Variants in NRG1 observed in about 807,000 individuals in gnomAD.
NRG1 encodes the protein pro-neuregulin-1, membrane-bound isoform.
In NRG1, 18 loss-of-function variants were observed where a neutral mutation model predicts 63.8. That is an observed-to-expected ratio of 0.28 (90% CI 0.19 to 0.42). NRG1 has a LOEUF of 0.42. NRG1 is among the 10% of genes least tolerant of loss of function. The probability of loss-of-function intolerance (pLI) is 1.00; values close to 1 mark genes in which losing one functional copy is unlikely to be tolerated. For synonymous variants in NRG1, 302 were observed against 301.3 expected (o/e 1.00, Z -0.02); for missense variants, 762 against 814.7 (o/e 0.94, Z 0.79).
At chr8:32,627,137 A>G (rs1281776775) in intron 5 of NRG1, among the ~76,000 whole-genome samples, 1 of 152,030 alleles carries the variant, frequency 6.6e-6, no homozygotes, top group Non-Finnish European at 1.5e-5. Flanking sequence ...CTTCATATTT[A>G]TAGGTCATTT....
intron 1 of NRG1, among the ~76,000 whole-genome samples, chr8:32,266,530 G>A (rs1334101095): frequency 6.6e-6 from 1 of 152,108 alleles, no homozygotes; most frequent in East Asian, 1.9e-4. Flanking sequence ...ATTGAGGAAG[G>A]ATGCTTCAGA....
chr8:31,844,789 A>ATT (rs34857073), intron 1 of NRG1, among the ~76,000 whole-genome samples: 3 of 149,452 alleles, frequency 2.0e-5, no homozygotes, highest in Admixed American at 6.7e-5. Context: ...GGCTTGGTGA[A>ATT]TTTTTTTTTT....
At chr8:31,702,415 A>G (rs1380396947) in intron 1 of NRG1, among the ~76,000 whole-genome samples, 1 of 151,870 alleles carries the variant, frequency 6.6e-6, no homozygotes, top group Non-Finnish European at 1.5e-5. Flanking sequence ...TTTAAAAGAT[A>G]GAATAAAGGA....
At chr8:31,837,754 T>G (rs1047401426) in intron 1 of NRG1, among the ~76,000 whole-genome samples, 1 of 152,100 alleles carries the variant, frequency 6.6e-6, no homozygotes, top group Non-Finnish European at 1.5e-5. Context: ...CATGACTGGT[T>G]TATTTCATTT....
At chr8:32,011,342 G>T (rs185703697) in intron 1 of NRG1, among the ~76,000 whole-genome samples, 159 of 152,162 alleles carry the variant, frequency 1.0e-3, no homozygotes, top group Admixed American at 4.9e-3. Context: ...CAAGAGGCTG[G>T]TTCCATTTGC....
At chr8:31,733,148 G>T (rs1392210621) in intron 1 of NRG1, among the ~76,000 whole-genome samples, 6 of 144,058 alleles carry the variant, frequency 4.2e-5, no homozygotes, top group Admixed American at 1.4e-4. Flanking sequence ...ACTTTATTCT[G>T]TTTTTTTTTT....
intron 1 of NRG1, among the ~76,000 whole-genome samples, chr8:32,248,141 A>G (rs1848766831): frequency 6.6e-6 from 1 of 152,100 alleles, no homozygotes; most frequent in Non-Finnish European, 1.5e-5. Context: ...TAACAAAAAC[A>G]TGTTCTGCAA....
chr8:31,733,376 T>C (rs1189440760), intron 1 of NRG1, among the ~76,000 whole-genome samples: 1 of 152,186 alleles, frequency 6.6e-6, no homozygotes, highest in Non-Finnish European at 1.5e-5. Flanking sequence ...CTTTAAACTC[T>C]CTAAGAATCT....
chr8:31,884,872 C>T (rs1263209660), intron 1 of NRG1, among the ~76,000 whole-genome samples: 1 of 151,828 alleles, frequency 6.6e-6, no homozygotes, highest in Non-Finnish European at 1.5e-5. Flanking sequence ...GAAGATACAG[C>T]AAGAATTGCT....
At chr8:32,766,941 G>A (rs1014862199) in exon 12 of NRG1, 3 of 152,150 alleles carry the variant, frequency 2.0e-5, no homozygotes, top group Non-Finnish European at 4.4e-5. Context: ...CGATCGGAGT[G>A]TGAACTTATG....
chr8:32,590,882 T>C (rs939933810), intron 1 of NRG1, among the ~76,000 whole-genome samples: 7 of 152,132 alleles, frequency 4.6e-5, no homozygotes, highest in African/African-American at 1.7e-4. Flanking sequence ...ATCTGTGAAA[T>C]ATTCAGGGCT....
chr8:32,085,814 A>G (rs530480404), intron 1 of NRG1, among the ~76,000 whole-genome samples: 167 of 152,248 alleles, frequency 1.1e-3, no homozygotes, highest in Middle Eastern at 3.2e-3. Context: ...CTAATACCAT[A>G]GGCAGGGATT....
chr8:32,252,718 C>T (rs185316114), intron 1 of NRG1, among the ~76,000 whole-genome samples: 110 of 152,210 alleles, frequency 7.2e-4, no homozygotes, highest in Non-Finnish European at 2.4e-4. Context: ...GTAGTTTTAT[C>T]TAATTCTGTG....
chr8:32,588,208 C>T (rs1160503157), intron 1 of NRG1, among the ~76,000 whole-genome samples: 2 of 152,188 alleles, frequency 1.3e-5, no homozygotes, highest in Non-Finnish European at 2.9e-5. Flanking sequence ...AGGTATGAGC[C>T]ACCAGCGCCC....
At chr8:32,484,225 G>A (rs1259522134) in intron 1 of NRG1, among the ~76,000 whole-genome samples, 2 of 152,104 alleles carry the variant, frequency 1.3e-5, no homozygotes, top group East Asian at 1.9e-4. Context: ...GAAATAAGAG[G>A]GAAAGGAATG....
At chr8:31,807,948 CGTGTGTGT>C (rs71208141) in intron 1 of NRG1, among the ~76,000 whole-genome samples, 8 of 137,156 alleles carry the variant, frequency 5.8e-5, no homozygotes, top group East Asian at 2.0e-4. Context: ...AGAGTATTCG[CGTGTGTGT>C]GTGTGTGTGT....
chr8:32,378,631 T>A (rs543728245), intron 1 of NRG1, among the ~76,000 whole-genome samples: 3 of 152,330 alleles, frequency 2.0e-5, no homozygotes, highest in Non-Finnish European at 4.4e-5. Context: ...TATCTTTTTT[T>A]TATATACTTT....
At chr8:32,480,308 T>C (rs71512632) in intron 1 of NRG1, among the ~76,000 whole-genome samples, 8,021 of 151,608 alleles carry the variant, frequency 0.053, 283 homozygotes, top group Middle Eastern at 0.085. Flanking sequence ...AGGAGAGAGA[T>C]AGGGAAGGGG....
intron 1 of NRG1, among the ~76,000 whole-genome samples, chr8:31,757,489 T>C (rs1205040843): frequency 1.3e-5 from 2 of 152,134 alleles, no homozygotes; most frequent in Admixed American, 1.3e-4. Flanking sequence ...CCATTTGTGC[T>C]GGGGATGATT....
Sources: allele counts gnomAD v4.1 joint callset (sites outside exome capture counted in the v4.1 genomes callset), GRCh38; gene constraint gnomAD v4.1.1; transcripts MANE v1.5; gene names NCBI Gene and HGNC (gene_info 2026-07-23, HGNC 2026-07-21).